Variants in PLEKHM3 observed in about 807,000 individuals in gnomAD.
PLEKHM3 encodes the protein pleckstrin homology domain-containing family M member 3.
PLEKHM3 carries 45 observed loss-of-function variants against 81.8 expected under a neutral mutation model. The observed-to-expected ratio is 0.55, with a 90% confidence interval of 0.43 to 0.71. PLEKHM3 has a LOEUF of 0.71. Among genes scored for constraint, PLEKHM3 ranks in the 30% least tolerant of loss-of-function variants. PLEKHM3 has a pLI of 0.00. For missense variants in PLEKHM3, 788 were observed against 924.3 expected (o/e 0.85, Z 1.91); for synonymous variants, 352 against 356.4 (o/e 0.99, Z 0.14).
At chr2:207,949,581 T>A (rs1388821511) in intron 3 of PLEKHM3, among the ~76,000 whole-genome samples, 1 of 152,126 alleles carries the variant, frequency 6.6e-6, no homozygotes, top group African/African-American at 2.4e-5. Flanking sequence ...GAATGAACTG[T>A]GGAACAGAGT....
Position 207,903,313 on chromosome 2 carries a change from T to A in PLEKHM3, c.1950+5201A>T, listed in dbSNP as rs568734924. ...GAAAATAATGAGAAAATTAGCTCCT[T>A]AGATTGTCTCACAAGAGGGGTGTGT... On this transcript the variant is annotated intron_variant, in intron 6 of 7. Transcript: ENST00000427836. 2.6e-5 allele frequency among the ~76,000 whole-genome samples: 4 copies of A among 152,196 alleles called. No homozygotes were observed. The East Asian group carries it at 7.7e-4, about 29-fold the overall frequency.
chr2:207,915,526 G>T (rs946635614), intron 5 of PLEKHM3, among the ~76,000 whole-genome samples: 1 of 152,116 alleles, frequency 6.6e-6, no homozygotes, highest in Non-Finnish European at 1.5e-5. Flanking sequence ...TGATAGATTT[G>T]ATAATATTAC....
chr2:207,844,253 C>T (rs1337410000), intron 7 of PLEKHM3, among the ~76,000 whole-genome samples: 2 of 150,568 alleles, frequency 1.3e-5, no homozygotes, highest in African/African-American at 4.9e-5. Flanking sequence ...TATTTGTGTA[C>T]TCTATTATGC....
intron 6 of PLEKHM3, among the ~76,000 whole-genome samples, chr2:207,881,256 A>C (rs1390500021): frequency 6.6e-6 from 1 of 152,220 alleles, no homozygotes; most frequent in East Asian, 1.9e-4. Flanking sequence ...AGTTTTTAAA[A>C]AGGCAGGATA....
chr2:208,023,043 G>A (rs2106136335), intron 1 of PLEKHM3, among the ~76,000 whole-genome samples: 1 of 152,228 alleles, frequency 6.6e-6, no homozygotes, highest in East Asian at 1.9e-4. Context: ...TATGAATGGG[G>A]CTGCAGCATG....
chr2:207,891,874 C>T (rs1688070906), intron 6 of PLEKHM3, among the ~76,000 whole-genome samples: 1 of 152,160 alleles, frequency 6.6e-6, no homozygotes, highest in Non-Finnish European at 1.5e-5. Context: ...GAATCTTTCA[C>T]TTATGGATTA....
At chr2:207,931,369 G>A (rs1689593176) in intron 4 of PLEKHM3, among the ~76,000 whole-genome samples, 1 of 152,188 alleles carries the variant, frequency 6.6e-6, no homozygotes, top group African/African-American at 2.4e-5. Context: ...ACCTACACAT[G>A]TGACAGAACG....
rs2092261037 is a variant in PLEKHM3, at chr2:207,827,946, G to A, written c.*373C>T. ...TAAAGCACTGTTTTGTGCAGGAAAT[G>A]CTTCCTTTTGTGTCTTGGGTAATAA... On this transcript the variant is annotated 3_prime_UTR_variant, in exon 8 of 8. Transcript: ENST00000427836. 1 of 154,870 alleles carries A rather than the reference G, an allele frequency of 6.5e-6. No individual in the cohort carries two copies. The highest frequency in any genetic ancestry group is 2.1e-4 in the South Asian group (1 of 4,856). The allele number at this position is 154,870 out of a possible 1,614,324, so 9.6% of individuals were successfully genotyped here.
chr2:207,852,831 C>T (rs1048783796), intron 7 of PLEKHM3: 18 of 430,558 alleles, frequency 4.2e-5, no homozygotes, highest in African/African-American at 1.1e-4. Context: ...TATGGGTCTC[C>T]GAATCTAAAA....
rs73064827 is a variant in PLEKHM3, at chr2:207,899,557, T to C, written c.1950+8957A>G. Among the ~76,000 whole-genome samples the C allele has an allele frequency of 7.9e-3, 1,205 of 152,290 alleles. 17 individuals carry two copies. Among genetic ancestry groups the C allele is most frequent in the African/African-American group, 0.027 (1,140 of 41,548 alleles). ...GGGAGAAAACACCCAGCGAGGGGCT[T>C]GGTGACAGAGTTGGGCTCACATTTC... On this transcript the variant is annotated intron_variant, in intron 6 of 7. Coordinates refer to ENST00000427836, the MANE Select transcript of PLEKHM3 (RefSeq NM_001080475.3).
chr2:207,847,969 G>A (rs1013307133), intron 7 of PLEKHM3, among the ~76,000 whole-genome samples: 5 of 152,232 alleles, frequency 3.3e-5, no homozygotes, highest in Non-Finnish European at 7.3e-5. Context: ...CCACAAACCT[G>A]CTAATTAGGT....
At chr2:207,957,895 C>T (rs1690573474) in intron 3 of PLEKHM3, among the ~76,000 whole-genome samples, 1 of 152,164 alleles carries the variant, frequency 6.6e-6, no homozygotes, top group African/African-American at 2.4e-5. Context: ...TTTGTAATGT[C>T]TGCAGACATT....
chr2:207,833,092 A>G, intron 7 of PLEKHM3, among the ~76,000 whole-genome samples: 1 of 146,124 alleles, frequency 6.8e-6, no homozygotes, highest in South Asian at 2.2e-4. Flanking sequence ...AGCCTGGGTG[A>G]CAGAGCAAGA....
At chr2:207,834,192 C>T (rs1279372225) in intron 7 of PLEKHM3, among the ~76,000 whole-genome samples, 4 of 150,402 alleles carry the variant, frequency 2.7e-5, no homozygotes, top group Admixed American at 6.6e-5. Context: ...TGCAATGGCA[C>T]GATCTCAGCT....
intron 3 of PLEKHM3, among the ~76,000 whole-genome samples, chr2:207,955,445 A>C (rs1291427665): frequency 6.6e-6 from 1 of 152,238 alleles, no homozygotes; most frequent in Non-Finnish European, 1.5e-5. Flanking sequence ...CAAATGGATA[A>C]ACACATTATA....
At chr2:207,897,463 C>G (rs564807792) in intron 6 of PLEKHM3, among the ~76,000 whole-genome samples, 1 of 152,332 alleles carries the variant, frequency 6.6e-6, no homozygotes, top group East Asian at 1.9e-4. Flanking sequence ...TTTATGCATA[C>G]TAACTCTAAG....
At chr2:207,828,582 G>A in intron 7 of PLEKHM3, 86 bp from the exon 8 acceptor site, 2 of 1,357,072 alleles carry the variant, frequency 1.5e-6, no homozygotes, top group South Asian at 1.3e-5. Flanking sequence ...GGTGCAGCTG[G>A]TGGCACAATC....
At chr2:207,957,659 T>C (rs1690562746) in intron 3 of PLEKHM3, among the ~76,000 whole-genome samples, 1 of 152,032 alleles carries the variant, frequency 6.6e-6, no homozygotes, top group East Asian at 1.9e-4. Context: ...GAATGTGCCA[T>C]TGCACTCCAG....
chr2:207,964,390 A>C (rs952323013), intron 3 of PLEKHM3, among the ~76,000 whole-genome samples: 1 of 152,132 alleles, frequency 6.6e-6, no homozygotes, highest in African/African-American at 2.4e-5. Flanking sequence ...ATGATACTCA[A>C]ATCACACTTT....
Sources: allele counts gnomAD v4.1 joint callset (sites outside exome capture counted in the v4.1 genomes callset), GRCh38; gene constraint gnomAD v4.1.1; transcripts MANE v1.5; gene names NCBI Gene and HGNC (gene_info 2026-07-23, HGNC 2026-07-21).